The following DLG2 variants were observed in gnomAD, a reference collection of about 807,000 sequenced individuals.
DLG2 encodes disks large homolog 2.
A neutral mutation model predicts 132.5 loss-of-function variants in DLG2; 45 were observed. The observed-to-expected ratio is 0.34, with a 90% CI of 0.27 to 0.44. DLG2 has a LOEUF of 0.44. Among genes scored for constraint, DLG2 ranks in the 20% least tolerant of loss-of-function variants. DLG2 has a pLI of 1.00. For missense variants in DLG2, 1,045 were observed against 1,196.9 expected (o/e 0.87, Z 1.87); for synonymous variants, 424 against 419.6 (o/e 1.01, Z -0.13).
At chr11:84,541,188 T>TA (rs1555016631) in intron 6 of DLG2, among the ~76,000 whole-genome samples, 5,830 of 113,872 alleles carry the variant, frequency 0.051, 133 homozygotes, top group Non-Finnish European at 0.074. Context: ...CTTGAAGTAT[T>TA]ATAATAATAA....
At chr11:85,558,275 A>G (rs1349714090) in intron 3 of DLG2, among the ~76,000 whole-genome samples, 1 of 151,936 alleles carries the variant, frequency 6.6e-6, no homozygotes, top group Non-Finnish European at 1.5e-5. Context: ...ACTAGTCAGA[A>G]TGGCTATTTT....
rs1565960625 is a variant in DLG2 at position 83,593,126 on chromosome 11, C to CT, written c.1940+40084_1940+40085insA. Among the ~76,000 whole-genome samples, 12 of 125,872 alleles carry CT rather than the reference C, an allele frequency of 9.5e-5. No individual in the cohort carries two copies. In the East Asian group the frequency reaches 2.5e-3, roughly 26 times the overall value. The allele number at this position is 125,872 out of a possible 152,430, so 82.6% of individuals were successfully genotyped here. A position where few individuals can be genotyped will look rare whatever the true frequency, so the allele number is the denominator to read the frequency against. ...CTAGAACTAGAAATACCATTTGACC[C>CT]AGCCATCCCATTACTGGGTATATAC... is the stretch of plus-strand genomic sequence containing the variant. On this transcript the variant is annotated intron_variant, in intron 19 of 27. Transcript: ENST00000376104.
At position 84,281,835 on chromosome 11, in the gene DLG2, A is replaced by T. The variant is rs375467888; in HGVS notation, c.520-30544T>A. On this transcript the variant is annotated intron_variant, in intron 7 of 27. Transcript: ENST00000376104. ...TAAGATACTACTACATACCTATTAGAATGGTTAATATTTAAAAAGACTGAC... is the reference window on the plus strand; with the variant it reads ...TAAGATACTACTACATACCTATTAGTATGGTTAATATTTAAAAAGACTGAC... Among the ~76,000 whole-genome samples, 65 of 152,322 alleles carry T rather than the reference A, an allele frequency of 4.3e-4. 1 individual carries two copies. In the South Asian group the frequency reaches 0.013, roughly 30 times the overall value.
intron 3 of DLG2, among the ~76,000 whole-genome samples, chr11:85,524,830 G>A (rs2074613564): frequency 6.6e-6 from 1 of 151,950 alleles, no homozygotes; most frequent in East Asian, 1.9e-4. Flanking sequence ...TTCACGAACA[G>A]GCAAACTCAA....
At chr11:85,188,240 T>C (rs1380036558) in intron 4 of DLG2, among the ~76,000 whole-genome samples, 3 of 152,178 alleles carry the variant, frequency 2.0e-5, no homozygotes, top group South Asian at 2.1e-4. Flanking sequence ...TAACCAAATA[T>C]TGGCTGACCA....
chr11:84,168,533 C>A (rs538965506), intron 8 of DLG2, among the ~76,000 whole-genome samples: 1 of 152,270 alleles, frequency 6.6e-6, no homozygotes, highest in South Asian at 2.1e-4. Flanking sequence ...GGCAATGCCA[C>A]TTTGCTTCAT....
chr11:85,220,637 AAT>A (rs1554992640), intron 4 of DLG2, among the ~76,000 whole-genome samples: 20 of 148,304 alleles, frequency 1.3e-4, no homozygotes, highest in African/African-American at 2.5e-4. Flanking sequence ...TAGAAAAAAA[AAT>A]ATATATATAT....
intron 21 of DLG2, among the ~76,000 whole-genome samples, chr11:83,498,171 G>A (rs2094250579): frequency 6.6e-6 from 1 of 151,930 alleles, no homozygotes; most frequent in African/African-American, 2.4e-5. Flanking sequence ...TTGGAATTTG[G>A]CTGTATGACT....
intron 9 of DLG2, among the ~76,000 whole-genome samples, chr11:84,105,221 A>G (rs193075080): frequency 6.6e-6 from 1 of 152,304 alleles, no homozygotes; most frequent in East Asian, 1.9e-4. Flanking sequence ...TTTCTAATAA[A>G]GTGATACGGT....
At chr11:85,627,617 C>T (rs1267607357), upstream of DLG2, 2 of 152,246 alleles carry the variant, frequency 1.3e-5, no homozygotes, top group African/African-American at 2.4e-5. Flanking sequence ...TCCGCGATTT[C>T]CTAAATGAGA....
chr11:85,157,965 G>GA (rs149750976), intron 4 of DLG2, among the ~76,000 whole-genome samples: 8,621 of 151,982 alleles, frequency 0.057, 361 homozygotes, highest in African/African-American at 0.11. Context: ...CACTGCCTGA[G>GA]AAAACAGTGA....
chr11:84,658,598 T>C (rs1402130658), intron 6 of DLG2, among the ~76,000 whole-genome samples: 1 of 152,130 alleles, frequency 6.6e-6, no homozygotes, highest in Non-Finnish European at 1.5e-5. Flanking sequence ...CATGAATGAT[T>C]TGGTGATCTC....
At chr11:83,789,885 A>T (rs138230295) in intron 17 of DLG2, 1 of 634,532 alleles carries the variant, frequency 1.6e-6, no homozygotes, top group Non-Finnish European at 2.4e-6. Context: ...GCAGCAAAAG[A>T]TTTTGATGGC....
intron 18 of DLG2, among the ~76,000 whole-genome samples, chr11:83,761,422 T>C (rs2093902910): frequency 6.6e-6 from 1 of 152,220 alleles, no homozygotes; most frequent in Admixed American, 6.5e-5. Context: ...ATTTGGCCAA[T>C]CCCAAGTTGA....
intron 3 of DLG2, among the ~76,000 whole-genome samples, chr11:85,392,599 CA>C (rs1171102248): frequency 7.9e-5 from 12 of 152,214 alleles, no homozygotes; most frequent in Admixed American, 6.5e-4. Flanking sequence ...ACCAAAACAA[CA>C]TGGTATTGGT....
At chr11:84,062,497 A>G (rs1192240418) in intron 10 of DLG2, among the ~76,000 whole-genome samples, 2 of 152,162 alleles carry the variant, frequency 1.3e-5, no homozygotes, top group Non-Finnish European at 2.9e-5. Flanking sequence ...TCAAATGTGA[A>G]CAGAATGGAA....
intron 18 of DLG2, among the ~76,000 whole-genome samples, chr11:83,706,306 T>G (rs1189695750): frequency 6.6e-6 from 1 of 151,890 alleles, no homozygotes; most frequent in African/African-American, 2.4e-5. Context: ...CTATATCAGG[T>G]GTTGTGCTAG....
intron 6 of DLG2, among the ~76,000 whole-genome samples, chr11:84,749,622 C>T (rs2065842522): frequency 6.6e-6 from 1 of 152,050 alleles, no homozygotes; most frequent in Non-Finnish European, 1.5e-5. Flanking sequence ...TGTAAGTACA[C>T]TCTATGATAT....
At chr11:83,584,948 T>C (rs1334399223) in intron 19 of DLG2, among the ~76,000 whole-genome samples, 1 of 152,240 alleles carries the variant, frequency 6.6e-6, no homozygotes, top group East Asian at 1.9e-4. Flanking sequence ...AAGTAGTTTA[T>C]AGTGAAATTA....
Sources: allele counts gnomAD v4.1 joint callset (sites outside exome capture counted in the v4.1 genomes callset), GRCh38; gene constraint gnomAD v4.1.1; transcripts MANE v1.5; gene names NCBI Gene and HGNC (gene_info 2026-07-23, HGNC 2026-07-21).